Variants in GLIS3 observed in about 807,000 individuals in gnomAD.
The protein encoded by GLIS3 is zinc finger protein GLIS3.
Under a neutral mutation model 78.6 loss-of-function variants are expected in GLIS3, and 53 were observed. The ratio of observed to expected loss-of-function variants is 0.67; its 90% CI spans 0.54 to 0.85. GLIS3 has a LOEUF of 0.85. Among genes scored for constraint, GLIS3 ranks in the 40% least tolerant of loss-of-function variants. The pLI, the probability that GLIS3 is intolerant of heterozygous loss-of-function variation, is 0.00. For synonymous variants in GLIS3, 684 were observed against 509.9 expected (o/e 1.34, Z -4.60); for missense variants, 1,703 against 1,231.1 (o/e 1.38, Z -5.74).
chr9:4,233,728 C>T (rs1030544997), intron 2 of GLIS3, among the ~76,000 whole-genome samples: 1 of 152,192 alleles, frequency 6.6e-6, no homozygotes, highest in East Asian at 1.9e-4. Context: ...TCCTTTGAAG[C>T]TTTGAAGCCA....
chr9:4,098,276 G>C (rs1830114016), intron 4 of GLIS3, among the ~76,000 whole-genome samples: 1 of 152,126 alleles, frequency 6.6e-6, no homozygotes, highest in Admixed American at 6.6e-5. Context: ...GCAACACAAA[G>C]CCATGTCATT....
chr9:4,390,274 G>A, the GLIS3 span, among the ~76,000 whole-genome samples: 1 of 152,218 alleles, frequency 6.6e-6, no homozygotes, highest in Non-Finnish European at 1.5e-5. Context: ...TGCATAGGGT[G>A]CAATACTTTG....
intron 2 of GLIS3, among the ~76,000 whole-genome samples, chr9:4,206,693 G>A (rs1015149777): frequency 8.5e-5 from 13 of 152,162 alleles, no homozygotes; most frequent in African/African-American, 3.1e-4. Flanking sequence ...ATCCATAAAT[G>A]AAATGATATA....
chr9:4,352,569 A>G (rs1817987367), upstream of GLIS3, among the ~76,000 whole-genome samples: 1 of 152,164 alleles, frequency 6.6e-6, no homozygotes, highest in South Asian at 2.1e-4. Flanking sequence ...GTTTAAGTGA[A>G]CTCTGTCTTG....
At chr9:4,334,993 C>G (rs1817738107) in intron 2 of GLIS3, among the ~76,000 whole-genome samples, 1 of 146,574 alleles carries the variant, frequency 6.8e-6, no homozygotes, top group South Asian at 2.2e-4. Context: ...ACCGCAAGCT[C>G]CACCTCCCGG....
chr9:4,305,430 G>T (rs1817203369), intron 4 of GLIS3: 1 of 152,188 alleles, frequency 6.6e-6, no homozygotes, highest in South Asian at 2.1e-4. Context: ...GCACACGTGT[G>T]AAACCAGGGG....
intron 10 of GLIS3, 91 bp downstream of exon 10, chr9:3,829,219 G>T: frequency 2.8e-6 from 3 of 1,060,636 alleles, no homozygotes; most frequent in Non-Finnish European, 4.4e-6. Flanking sequence ...TCATGTGCTT[G>T]GTCACGTCCA....
At chr9:4,297,791 T>C (rs1036181925) in intron 1 of GLIS3, among the ~76,000 whole-genome samples, 16 of 152,194 alleles carry the variant, frequency 1.1e-4, no homozygotes, top group Admixed American at 9.2e-4. Context: ...TCGAGACCAC[T>C]CCTGCCAAGA....
chr9:4,111,373 C>T (rs1031583261), intron 4 of GLIS3, among the ~76,000 whole-genome samples: 1 of 152,130 alleles, frequency 6.6e-6, no homozygotes, highest in African/African-American at 2.4e-5. Context: ...GAAACATAAA[C>T]CACGATTAGC....
chr9:3,991,209 C>G (rs552052025), intron 4 of GLIS3, among the ~76,000 whole-genome samples: 5 of 152,142 alleles, frequency 3.3e-5, no homozygotes, highest in East Asian at 1.9e-4. Context: ...TGGGAAGGCA[C>G]TTTACTGAGA....
intron 4 of GLIS3, among the ~76,000 whole-genome samples, chr9:3,987,770 A>AC (rs1563922598): frequency 3.5e-5 from 5 of 140,964 alleles, no homozygotes; most frequent in African/African-American, 1.3e-4. Context: ...GCAAAAAAAA[A>AC]AAAAAAAAAA....
intron 9 of GLIS3, among the ~76,000 whole-genome samples, chr9:3,846,306 G>A (rs761040328): frequency 1.3e-5 from 2 of 152,190 alleles, no homozygotes; most frequent in Non-Finnish European, 2.9e-5. Flanking sequence ...TTTGGGGTCA[G>A]ACTGGGTTTA....
chr9:3,915,564 T>G (rs1824454332), intron 6 of GLIS3, among the ~76,000 whole-genome samples: 1 of 152,190 alleles, frequency 6.6e-6, no homozygotes, highest in Middle Eastern at 3.2e-3. Context: ...CCCTGTTATC[T>G]GCAGGTTTTA....
intron 3 of GLIS3, among the ~76,000 whole-genome samples, chr9:4,310,184 G>A (rs183813559): frequency 1.8e-4 from 28 of 152,294 alleles, no homozygotes; most frequent in Admixed American, 1.7e-3. Context: ...GATGTAGTTG[G>A]TATGATAATT....
intron 2 of GLIS3, among the ~76,000 whole-genome samples, chr9:4,153,928 C>A (rs912539240): frequency 1.3e-5 from 2 of 152,238 alleles, no homozygotes; most frequent in African/African-American, 4.8e-5. Flanking sequence ...CTCTCATGCA[C>A]TGCAGTCACA....
In GLIS3 at chr9:4,122,620, C is replaced by T. The variant is rs140222771; in HGVS notation, c.596+3114G>A. On this transcript the variant is annotated intron_variant, in intron 3 of 10. Transcript: ENST00000381971. ...TGGACTTTCTGTGTCCTGGTTCCAT[C>T]GGGTCTTAAACAGAAATATTTGCAG... Among the ~76,000 whole-genome samples, 1,125 of 152,230 alleles carry T rather than the reference C, an allele frequency of 7.4e-3. 49 individuals are homozygous for T. The highest frequency in any genetic ancestry group is 0.067 in the Admixed American group (1,015 of 15,246).
chr9:3,881,935 A>T (rs954093789), intron 7 of GLIS3, among the ~76,000 whole-genome samples: 3 of 152,212 alleles, frequency 2.0e-5, no homozygotes, highest in African/African-American at 7.2e-5. Context: ...CAGACAACTG[A>T]CCACACTCAA....
At chr9:4,153,701 G>A (rs1834849634) in intron 2 of GLIS3, among the ~76,000 whole-genome samples, 2 of 152,208 alleles carry the variant, frequency 1.3e-5, no homozygotes, top group Admixed American at 1.3e-4. Context: ...TGGATGAAAA[G>A]AGATCAATAA....
At chr9:4,292,226 G>A (rs913496482) in intron 1 of GLIS3, among the ~76,000 whole-genome samples, 10 of 152,100 alleles carry the variant, frequency 6.6e-5, no homozygotes, top group African/African-American at 1.9e-4. Flanking sequence ...ATTGTTCAAC[G>A]GAGAAAGCAT....
Sources: gnomAD v4.1 joint callset for allele counts (sites outside exome capture counted in the v4.1 genomes callset) on GRCh38, gnomAD v4.1.1 for gene constraint, MANE v1.5 for transcripts, NCBI Gene and HGNC (gene_info 2026-07-23, HGNC 2026-07-21) for gene names.